The following TOP2A variants were observed in gnomAD, a reference collection of about 807,000 sequenced individuals.
TOP2A encodes DNA topoisomerase II alpha.
In TOP2A, 68 loss-of-function variants were observed where a neutral mutation model predicts 187.2. That is an observed-to-expected ratio of 0.36 (90% CI 0.30 to 0.44). TOP2A has a LOEUF of 0.44. TOP2A is among the 20% of genes least tolerant of loss of function. The pLI, the probability that TOP2A is intolerant of heterozygous loss-of-function variation, is 1.00. For missense variants in TOP2A, 1,196 were observed against 1,808.7 expected, an observed-to-expected ratio of 0.66 and a Z score of 6.14; for synonymous variants, 542 against 593.2, an observed-to-expected ratio of 0.91 and a Z score of 1.25.
At chr17:40,416,989 A>G in intron 1 of TOP2A, 94 bp from the exon 2 acceptor site, 1 of 1,080,970 alleles carries the variant, frequency 9.3e-7, no homozygotes, top group South Asian at 1.6e-5. Flanking sequence ...TGAGATGTCA[A>G]CATGCATTGC....
Position 40,400,217 on chromosome 17 carries a change from T to G in TOP2A, c.2992A>C (p.Asn998His). The change falls in exon 23 of 35, where the codon AAC (asparagine) becomes CAC (histidine). Residue 998 changes from asparagine to histidine, a missense_variant. Physicochemically the swap from Asn to His is moderately conservative, Grantham distance 68. This residue lies in a region of TOP2A where 232 missense variants were observed against 306.1 expected (regional missense o/e 0.76). Transcript: ENST00000423485. ...ACAAAACAAATACATACCATAGAGT[T>G]GCATGTGAGACTAGTTTGGAGTTTG... ...VFKLQTSLTC[N>H]SMVLFDHVGC... The G allele has an allele frequency of 6.2e-7, 1 of 1,613,754 alleles. No individual in the cohort carries two copies. The highest frequency in any genetic ancestry group is 1.1e-5 in the South Asian group (1 of 91,080).
At chr17:40,404,750 G>T in intron 17 of TOP2A, 41 bp downstream of exon 17, 2 of 1,330,040 alleles carry the variant, frequency 1.5e-6, no homozygotes, top group Non-Finnish European at 2.1e-6. Context: ...CAAAAGGTCA[G>T]TCTAACAATC....
chr17:40,403,000 T>G lies in TOP2A; in HGVS notation c.2338A>C (p.Asn780His), dbSNP rs1247797291. ...CCAATGGGCTGCAAGAGGTTTAGAT[T>G]ATTGCTACCCACAAAATTCTGAGCC... Reference protein sequence around the residue: ...NLAQNFVGSNNLNLLQPIGQF... With the variant: ...NLAQNFVGSNHLNLLQPIGQF... The change falls in exon 20 of 35, where the codon AAT becomes CAT. Residue 780 changes from asparagine (N) to histidine (H), a missense_variant. By Grantham distance (68) the Asn-to-His change is moderately conservative. Coordinates refer to ENST00000423485, the MANE Select transcript of TOP2A (RefSeq NM_001067.4). 6.2e-7 allele frequency: 1 copy of G among 1,603,430 alleles called. No homozygotes were observed. The highest frequency in any genetic ancestry group is 8.5e-7 in the Non-Finnish European group (1 of 1,174,526).
intron 7 of TOP2A, 105 bp downstream of exon 7, chr17:40,412,642 TCAAACAAACAAA>T (rs367747137): frequency 7.1e-5 from 63 of 887,954 alleles, no homozygotes; most frequent in Non-Finnish European, 8.9e-5. Flanking sequence ...AGACTCTGTC[TCAAACAAACAAA>T]CAAACAAACA....
chr17:40,400,045 C>T lies in TOP2A; in HGVS notation c.3023G>A (p.Cys1008Tyr). Reference sequence around the variant, plus strand: ...CAACACCGTGTCATATTTCTTTAAACAGCCTACGTGGTCAAAAAGCACCTG... The same window carrying T: ...CAACACCGTGTCATATTTCTTTAAATAGCCTACGTGGTCAAAAAGCACCTG... ...NSMVLFDHVG[C>Y]LKKYDTVLDI... Residue 1008 changes from cysteine (C) to tyrosine (Y), a missense_variant, in exon 24 of 35, where the codon TGT becomes TAT. Coordinates refer to ENST00000423485, the MANE Select transcript of TOP2A (RefSeq NM_001067.4). The T allele has an allele frequency of 1.9e-6, 3 of 1,609,968 alleles. No homozygotes were observed. Among genetic ancestry groups the T allele is most frequent in the Non-Finnish European group, 2.5e-6 (3 of 1,178,556 alleles).
intron 10 of TOP2A, chr17:40,410,645 G>A (rs1449751876): frequency 2.2e-6 from 1 of 456,294 alleles, no homozygotes; most frequent in Non-Finnish European, 4.4e-6. Flanking sequence ...TTATTGACCG[G>A]ATTAGAGAGG....
At chr17:40,413,368 G>T in intron 5 of TOP2A, 76 bp from the exon 6 acceptor site, 1 of 1,397,006 alleles carries the variant, frequency 7.2e-7, no homozygotes, top group Non-Finnish European at 9.8e-7. Context: ...CACTGGCAGA[G>T]CTATTCAATT....
At position 40,413,610 on chromosome 17, in the gene TOP2A, A is replaced by T; in HGVS notation, c.348T>A (p.Ile116=). ...RVTIDPENNL[I]SIWNNGKGIP... is the part of the protein sequence containing the mutation. ...TACCTTTTCCATTATTCCATATACT[A>T]ATTAAATTGTTTTCCCTAAGAAAAA... The change falls in exon 5 of 35, where the codon ATT becomes ATA. Residue 116 remains isoleucine, a synonymous_variant. Coordinates refer to ENST00000423485, the MANE Select transcript of TOP2A (RefSeq NM_001067.4). 2 of 1,383,070 alleles carry T rather than the reference A, an allele frequency of 1.4e-6. No individual in the cohort carries two copies. Among genetic ancestry groups the T allele is most frequent in the Non-Finnish European group, 2.0e-6 (2 of 1,023,992 alleles). The allele number at this position is 1,383,070 out of a possible 1,614,324, so 85.7% of individuals were successfully genotyped here. A position where few individuals can be genotyped will look rare whatever the true frequency, so the allele number is the denominator to read the frequency against.
chr17:40,395,221 T>G (rs1032479524), intron 29 of TOP2A, among the ~76,000 whole-genome samples: 1 of 146,334 alleles, frequency 6.8e-6, no homozygotes, highest in Non-Finnish European at 1.5e-5. Flanking sequence ...AGGTGAAGAT[T>G]GCAGTGAGCC....
At chr17:40,391,375 A>G in intron 33 of TOP2A, 131 bp downstream of exon 33, 1 of 923,188 alleles carries the variant, frequency 1.1e-6, no homozygotes, top group Non-Finnish European at 1.6e-6. Context: ...TCGAAAAGAA[A>G]TTGCTTCCAA....
At chr17:40,405,494 G>T (rs1228692377) in intron 16 of TOP2A, among the ~76,000 whole-genome samples, 1 of 134,484 alleles carries the variant, frequency 7.4e-6, no homozygotes, top group East Asian at 2.2e-4. Flanking sequence ...TCGCTCTGTC[G>T]CCCAGGCTGG....
chr17:40,411,700 ATAGT>A lies in TOP2A; in HGVS notation c.904_907del (p.Thr302Ter). 3 of 1,612,598 alleles carry A rather than the reference ATAGT, an allele frequency of 1.9e-6. No homozygotes were observed. Among genetic ancestry groups the A allele is most frequent in the Non-Finnish European group, 2.5e-6 (3 of 1,179,498 alleles). On this transcript the variant is annotated frameshift_variant, in exon 8 of 35. Transcript: ENST00000423485. LOFTEE classifies it high-confidence loss of function. The surrounding 1 kb of genome is among the most constrained non-coding windows in gnomAD (Gnocchi z 4.4). The stretch of plus-strand genomic sequence containing the variant: ...AATTTGCTGAAAGCCTTTTTCACTC[ATAGT>A]TAAACACACTTCCCACCTGTGGTTT...
chr17:40,394,632 C>T lies in TOP2A; in HGVS notation c.3811+817G>A, dbSNP rs114847955. On this transcript the variant is annotated intron_variant, in intron 29 of 34. Coordinates refer to ENST00000423485, the MANE Select transcript of TOP2A (RefSeq NM_001067.4). ...ACAGGCATAAGCCATGGCGCCCAGC[C>T]AAATGGTATACGTTAAATGGGCAAA... Among the ~76,000 whole-genome samples, 388 of 152,176 alleles carry T rather than the reference C, an allele frequency of 2.5e-3. 2 individuals carry two copies. Among genetic ancestry groups the T allele is most frequent in the African/African-American group, 8.1e-3 (335 of 41,510 alleles).
chr17:40,403,474 T>C (rs967721428), intron 19 of TOP2A, among the ~76,000 whole-genome samples: 3 of 152,220 alleles, frequency 2.0e-5, no homozygotes, highest in Admixed American at 6.5e-5. Context: ...ATGGTAGGCA[T>C]TCAACAAATG....
chr17:40,392,553 G>A (rs757705829), intron 30 of TOP2A, 32 bp downstream of exon 30: 2 of 1,591,948 alleles, frequency 1.3e-6, no homozygotes, highest in Non-Finnish European at 1.7e-6. Flanking sequence ...CACTCTTACA[G>A]TTTATCTATA....
Position 40,413,244 on chromosome 17 carries a change from T to C in TOP2A, c.527A>G (p.Lys176Arg), listed in dbSNP as rs1329284445. The C allele has an allele frequency of 4.5e-6, 7 of 1,567,046 alleles. No homozygotes were observed. Among genetic ancestry groups the C allele is most frequent in the African/African-American group, 1.4e-5 (1 of 73,982 alleles). The stretch of plus-strand genomic sequence containing the variant: ...TCTACTGGCTGTTTCCACAGTAAAT[T>C]TGGTACTGAATATGTTACACAATTT... ...GAKLCNIFSTKFTVETASREY... is the reference protein window; with the variant it reads ...GAKLCNIFSTRFTVETASREY... The change falls in exon 6 of 35, where the codon AAA becomes AGA. Residue 176 changes from lysine (K) to arginine (R), a missense_variant. Lys to Arg is a conservative substitution (Grantham distance 26). Coordinates refer to ENST00000423485, the MANE Select transcript of TOP2A (RefSeq NM_001067.4).
intron 33 of TOP2A, 40 bp downstream of exon 33, chr17:40,391,466 G>T: frequency 6.4e-7 from 1 of 1,574,520 alleles, no homozygotes; most frequent in Non-Finnish European, 8.6e-7. Flanking sequence ...AACCAGTTAG[G>T]TAATTGCAAC....
Position 40,407,691 on chromosome 17 carries a change from C to G in TOP2A, c.1501-17G>C. The G allele has an allele frequency of 6.4e-7, 1 of 1,554,412 alleles. No homozygotes were observed. The highest frequency in any genetic ancestry group is 8.6e-7 in the Non-Finnish European group (1 of 1,157,962). On this transcript the variant is annotated splice_polypyrimidine_tract_variant and intron_variant, in intron 12 of 34. Transcript: ENST00000423485. ...TTCCATGATCTGAAATGGACATATA[C>G]CAAAAAAAGCATCGTTTATAAATTT...
rs1342551643 is a variant in TOP2A at position 40,404,513 on chromosome 17, C to T, written c.2047-22G>A. On this transcript the variant is annotated intron_variant, in intron 17 of 34. Transcript: ENST00000423485. ...AATCCTGAAGGACCAAATAGTATTA[C>T]ATGAGTCTACCGGTCTAAACAATGC... 6 of 1,364,286 alleles carry T rather than the reference C, an allele frequency of 4.4e-6. No individual in the cohort carries two copies. The Admixed American group carries it at 5.3e-5, about 12-fold the overall frequency. 84.5% of individuals were successfully genotyped at this position (1,364,286 alleles called of 1,614,324 possible).
Sources: gnomAD v4.1 joint callset for allele counts (sites outside exome capture counted in the v4.1 genomes callset) on GRCh38, gnomAD v4.1.1 for gene constraint, gnomAD v4.1.1 regional missense constraint, Gnocchi (gnomAD v3.1) non-coding constraint, MANE v1.5 for transcripts, NCBI Gene and HGNC (gene_info 2026-07-23, HGNC 2026-07-21) for gene names.